The following SLC39A11 variants were observed in gnomAD, a reference collection of about 807,000 sequenced individuals.
SLC39A11 encodes solute carrier family 39 member 11.
A neutral mutation model predicts 36.1 loss-of-function variants in SLC39A11; 33 were observed. That is an observed-to-expected ratio of 0.91 (90% confidence interval 0.69 to 1.22). The LOEUF is 1.22. Among genes scored for constraint, SLC39A11 ranks in the 50% most tolerant of loss-of-function variants. The probability of loss-of-function intolerance (pLI) is 0.00; values close to 1 mark genes in which losing one functional copy is unlikely to be tolerated. For synonymous variants in SLC39A11, 166 were observed against 170.3 expected (o/e 0.97, Z 0.20); for missense variants, 432 against 430.3 (o/e 1.00, Z -0.03).
At chr17:73,022,911 G>C (rs1249584737) in intron 4 of SLC39A11, among the ~76,000 whole-genome samples, 1 of 151,290 alleles carries the variant, frequency 6.6e-6, no homozygotes, top group Non-Finnish European at 1.5e-5. Context: ...AAAATATCCT[G>C]TTTCACAAAG....
intron 6 of SLC39A11, among the ~76,000 whole-genome samples, chr17:72,743,228 C>T (rs1296631971): frequency 1.3e-5 from 2 of 149,272 alleles, no homozygotes; most frequent in African/African-American, 5.0e-5. Flanking sequence ...ACCGCAGTCT[C>T]TCATTGTTTC....
chr17:73,060,413 TC>T, intron 3 of SLC39A11, among the ~76,000 whole-genome samples: 1 of 152,238 alleles, frequency 6.6e-6, no homozygotes, highest in African/African-American at 2.4e-5. Flanking sequence ...CTAAGGTTTT[TC>T]CTCCAAATAT....
intron 7 of SLC39A11, 91 bp downstream of exon 7, chr17:72,736,559 T>C (rs1356930612): frequency 1.3e-5 from 15 of 1,118,486 alleles, no homozygotes; most frequent in Non-Finnish European, 1.8e-5. Context: ...TGCTGAACAA[T>C]AATGCACAGA....
chr17:72,710,885 T>G (rs1173804377), intron 7 of SLC39A11, among the ~76,000 whole-genome samples: 1 of 152,248 alleles, frequency 6.6e-6, no homozygotes. Context: ...ATCATTTTAA[T>G]GTCTTCACAC....
At chr17:72,795,549 TC>T (rs565430171) in intron 6 of SLC39A11, among the ~76,000 whole-genome samples, 81 of 152,148 alleles carry the variant, frequency 5.3e-4, no homozygotes, top group Non-Finnish European at 8.2e-4. Context: ...TTTTGCTTTT[TC>T]CTATTTGTTA....
chr17:72,846,333 A>AGCAATTCG (rs2079055036), intron 6 of SLC39A11, among the ~76,000 whole-genome samples: 1 of 151,948 alleles, frequency 6.6e-6, no homozygotes, highest in South Asian at 2.1e-4. Flanking sequence ...CCTGGCCTCA[A>AGCAATTCG]TCCTTATTTG....
chr17:73,022,595 TAA>T (rs10675859), intron 4 of SLC39A11, among the ~76,000 whole-genome samples: 2 of 56,770 alleles, frequency 3.5e-5, no homozygotes, highest in East Asian at 6.7e-4. Flanking sequence ...AACTCCATCT[TAA>T]AAAAAAAAAA....
intron 3 of SLC39A11, among the ~76,000 whole-genome samples, chr17:73,047,990 A>AATATATATATATATATATATAT (rs151142811): frequency 3.4e-5 from 2 of 58,700 alleles, no homozygotes; most frequent in Non-Finnish European, 6.0e-5. Flanking sequence ...AAAAAAAAAA[A>AATATATATATATATATATATAT]ATATATATAT....
chr17:72,697,188 TCCC>T (rs1224051686), intron 7 of SLC39A11, among the ~76,000 whole-genome samples: 4 of 152,124 alleles, frequency 2.6e-5, no homozygotes, highest in African/African-American at 9.7e-5. Context: ...GATCAGGTGA[TCCC>T]CCCATGTCAG....
chr17:72,875,110 G>C (rs1263205722), intron 5 of SLC39A11, among the ~76,000 whole-genome samples: 1 of 152,086 alleles, frequency 6.6e-6, no homozygotes, highest in Non-Finnish European at 1.5e-5. Context: ...GGTTATTTTG[G>C]GAAGAAAAAA....
intron 6 of SLC39A11, among the ~76,000 whole-genome samples, chr17:72,790,699 T>G (rs2076672861): frequency 6.6e-6 from 1 of 151,930 alleles, no homozygotes; most frequent in Non-Finnish European, 1.5e-5. Flanking sequence ...ACCCAGCTAA[T>G]TTTTGTATTT....
intron 6 of SLC39A11, among the ~76,000 whole-genome samples, chr17:72,751,868 C>T (rs1449880352): frequency 6.6e-6 from 1 of 152,048 alleles, no homozygotes; most frequent in Non-Finnish European, 1.5e-5. Context: ...TGAGCCACTG[C>T]ACCCGGCTCC....
rs113401405 is a variant in SLC39A11, at chr17:72,969,934, GA to G, written c.307-22060del. Among the ~76,000 whole-genome samples the G allele has an allele frequency of 5.2e-3, 792 of 152,304 alleles. 10 individuals carry two copies. Among genetic ancestry groups the G allele is most frequent in the African/African-American group, 0.018 (741 of 41,570 alleles). The stretch of plus-strand genomic sequence containing the variant: ...GAACAGAGATTCCTCCTCCTAAAAT[GA>G]AATCTTCCTGCAGTGAGGCTGGTCC... On this transcript the variant is annotated intron_variant, in intron 4 of 9. Coordinates refer to ENST00000255559, the MANE Select transcript of SLC39A11 (RefSeq NM_139177.4).
In SLC39A11 at chr17:72,806,996, T is replaced by A. The variant is rs147620056; in HGVS notation, c.601+42638A>T. Among the ~76,000 whole-genome samples the A allele has an allele frequency of 4.6e-5, 7 of 152,350 alleles. No individual in the cohort carries two copies. The East Asian group carries it at 1.3e-3, about 29-fold the overall frequency. ...TTTCCTTACCTTCTTTTCTCACATT[T>A]TGCATCTACATGTCTTTTATTCTAT... is the stretch of plus-strand genomic sequence containing the variant. On this transcript the variant is annotated intron_variant, in intron 6 of 9. Coordinates refer to ENST00000255559, the MANE Select transcript of SLC39A11 (RefSeq NM_139177.4).
chr17:72,909,327 T>C (rs1209032132), intron 5 of SLC39A11, among the ~76,000 whole-genome samples: 5 of 152,148 alleles, frequency 3.3e-5, no homozygotes, highest in South Asian at 2.1e-4. Flanking sequence ...CTGGGGAGAG[T>C]CACGTTGCCT....
At chr17:72,921,377 G>T (rs1218285915) in intron 5 of SLC39A11, among the ~76,000 whole-genome samples, 1 of 152,132 alleles carries the variant, frequency 6.6e-6, no homozygotes, top group Non-Finnish European at 1.5e-5. Context: ...CTAGTAGGGT[G>T]AACACTTGTC....
chr17:72,743,423 G>A (rs1484874416), intron 6 of SLC39A11, among the ~76,000 whole-genome samples: 1 of 152,196 alleles, frequency 6.6e-6, no homozygotes, highest in Admixed American at 6.5e-5. Flanking sequence ...GGGGACAAAA[G>A]TTCACAAATG....
chr17:73,059,629 T>C (rs2059776064), intron 3 of SLC39A11, among the ~76,000 whole-genome samples: 1 of 143,868 alleles, frequency 7.0e-6, no homozygotes, highest in South Asian at 2.2e-4. Context: ...CACTCCAGCC[T>C]GGGCGACAAG....
At chr17:73,050,717 G>A (rs1195267199) in intron 3 of SLC39A11, among the ~76,000 whole-genome samples, 4 of 152,034 alleles carry the variant, frequency 2.6e-5, no homozygotes, top group Non-Finnish European at 2.9e-5. Flanking sequence ...CGCCCATCTC[G>A]GCCTCCCAAA....
Sources: gnomAD v4.1 joint callset for allele counts (sites outside exome capture counted in the v4.1 genomes callset) on GRCh38, gnomAD v4.1.1 for gene constraint, MANE v1.5 for transcripts, NCBI Gene and HGNC (gene_info 2026-07-23, HGNC 2026-07-21) for gene names.